The following CTSO variants were observed in gnomAD, a reference collection of about 807,000 sequenced individuals.
CTSO encodes the protein cathepsin O.
Under a neutral mutation model 42.4 loss-of-function variants are expected in CTSO, and 40 were observed. The observed-to-expected ratio is 0.94, with a 90% CI of 0.73 to 1.23. The LOEUF (loss-of-function observed/expected upper bound fraction) is 1.23. CTSO is among the 50% of genes most tolerant of loss of function. The pLI, the probability that CTSO is intolerant of heterozygous loss-of-function variation, is 0.00. For synonymous variants in CTSO, 156 were observed against 146.2 expected (o/e 1.07, Z -0.48); for missense variants, 441 against 396.0 (o/e 1.11, Z -0.96).
At chr4:155,938,376 T>C (rs1743368578) in intron 4 of CTSO, among the ~76,000 whole-genome samples, 1 of 152,178 alleles carries the variant, frequency 6.6e-6, no homozygotes, top group Non-Finnish European at 1.5e-5. Flanking sequence ...CAATGGATAA[T>C]GGAAGAGAAT....
chr4:155,939,849 C>T (rs1968766375), intron 3 of CTSO, among the ~76,000 whole-genome samples: 2 of 152,180 alleles, frequency 1.3e-5, no homozygotes, highest in South Asian at 4.1e-4. Context: ...AAAGACCATT[C>T]AGTTCACTGA....
At chr4:155,945,758 A>T (rs1462107180) in intron 1 of CTSO, among the ~76,000 whole-genome samples, 2 of 152,224 alleles carry the variant, frequency 1.3e-5, no homozygotes, top group Non-Finnish European at 2.9e-5. Context: ...ATCCTTAACA[A>T]AATAGCAAAT....
intron 7 of CTSO, 151 bp from the exon 8 acceptor site, chr4:155,926,221 T>C: frequency 1.7e-6 from 1 of 593,532 alleles, no homozygotes; most frequent in Non-Finnish European, 2.9e-6. Flanking sequence ...AAACATGGTA[T>C]CATCAAAAGC....
chr4:155,936,181 A>G (rs1228046976), intron 5 of CTSO, among the ~76,000 whole-genome samples: 3 of 152,174 alleles, frequency 2.0e-5, no homozygotes, highest in Non-Finnish European at 4.4e-5. Context: ...CACGGTACTC[A>G]GTGACCCTGC....
At chr4:155,951,069 T>A (rs1743665107) in intron 1 of CTSO, among the ~76,000 whole-genome samples, 1 of 152,182 alleles carries the variant, frequency 6.6e-6, no homozygotes, top group South Asian at 2.1e-4. Flanking sequence ...GCTATGGCCA[T>A]CTATTTACAC....
At chr4:155,946,374 T>C (rs1382077783) in intron 1 of CTSO, among the ~76,000 whole-genome samples, 1 of 152,222 alleles carries the variant, frequency 6.6e-6, no homozygotes, top group Non-Finnish European at 1.5e-5. Context: ...ATGAAATAAA[T>C]GAATGTATTA....
intron 1 of CTSO, among the ~76,000 whole-genome samples, chr4:155,947,041 T>A (rs1241565119): frequency 6.6e-6 from 1 of 152,064 alleles, no homozygotes; most frequent in Admixed American, 6.5e-5. Flanking sequence ...GTATTTTTTT[T>A]AGTAGAGATG....
Position 155,942,444 on chromosome 4 carries a change from C to T in CTSO, c.257G>A (p.Arg86Lys), listed in dbSNP as rs754379370. The T allele has an allele frequency of 6.5e-7, 1 of 1,533,166 alleles. No homozygotes were observed. Among genetic ancestry groups the T allele is most frequent in the South Asian group, 1.3e-5 (1 of 75,686 alleles). The allele number at this position is 1,533,166 out of a possible 1,614,324, so 95.0% of individuals were successfully genotyped here. ...TCTGGGAAACTTGGAAGGTTTGCTTCTTAAATAAATGGCTGAGTAGAAACA... is the reference window on the plus strand; with the variant it reads ...TCTGGGAAACTTGGAAGGTTTGCTTTTTAAATAAATGGCTGAGTAGAAACA... ...FPEEFKAIYL[R>K]SKPSKFPRYS... is the part of the protein sequence containing the mutation. The change falls in exon 3 of 8, where the codon AGA becomes AAA. Residue 86 changes from arginine to lysine, a missense_variant. Coordinates refer to ENST00000433477, the MANE Select transcript of CTSO (RefSeq NM_001334.3).
Position 155,929,558 on chromosome 4 carries a change from A to G in CTSO, c.822T>C (p.Thr274=), listed in dbSNP as rs1210307569. The change falls in exon 6 of 8, where the codon ACT becomes ACC. Residue 274 remains threonine (T), a synonymous_variant. Coordinates refer to ENST00000433477, the MANE Select transcript of CTSO (RefSeq NM_001334.3). ...SGEANHAVLI[T]GFDKTGSTPY... is the part of the protein sequence containing the mutation. ...AGCACTTACCTGTTTTATCAAACCC[A>G]GTTATGAGAACTGCATGATTTGCTT... 2 of 1,612,654 alleles carry G rather than the reference A, an allele frequency of 1.2e-6. No homozygotes were observed. The highest frequency in any genetic ancestry group is 2.7e-5 in the African/African-American group (2 of 74,894).
intron 1 of CTSO, among the ~76,000 whole-genome samples, chr4:155,949,247 A>T (rs2110937453): frequency 6.6e-6 from 1 of 152,318 alleles, no homozygotes; most frequent in African/African-American, 2.4e-5. Context: ...AGATCACACA[A>T]CTAGTATTTG....
intron 1 of CTSO, among the ~76,000 whole-genome samples, chr4:155,950,191 G>A (rs1743645137): frequency 6.6e-6 from 1 of 152,180 alleles, no homozygotes; most frequent in Non-Finnish European, 1.5e-5. Context: ...ACATTCTTTT[G>A]TGAACTACTT....
intron 7 of CTSO, among the ~76,000 whole-genome samples, chr4:155,927,551 C>T (rs1420689383): frequency 6.6e-5 from 10 of 152,094 alleles, no homozygotes; most frequent in South Asian, 2.1e-4. Context: ...GGGCAGATCA[C>T]GAGGTCAGGA....
chr4:155,945,195 T>G (rs1743519101), intron 1 of CTSO, among the ~76,000 whole-genome samples: 1 of 151,748 alleles, frequency 6.6e-6, no homozygotes, highest in Admixed American at 6.6e-5. Context: ...AGGCGGAGGT[T>G]GCAGTGAGCC....
intron 1 of CTSO, among the ~76,000 whole-genome samples, chr4:155,952,108 T>C (rs886238537): frequency 2.6e-5 from 4 of 152,168 alleles, no homozygotes; most frequent in Non-Finnish European, 2.9e-5. Flanking sequence ...AAGCAAATTC[T>C]TACAGGCAGC....
chr4:155,939,779 C>T (rs1743396379), intron 3 of CTSO, among the ~76,000 whole-genome samples: 1 of 152,112 alleles, frequency 6.6e-6, no homozygotes, highest in Non-Finnish European at 1.5e-5. Context: ...TTTGGCAATG[C>T]AAGATAAAAG....
rs965235414 is a variant in CTSO at position 155,936,846 on chromosome 4, T to C, written c.674+516A>G. 2.0e-5 allele frequency among the ~76,000 whole-genome samples: 3 copies of C among 152,324 alleles called. No homozygotes were observed. In the East Asian group the frequency reaches 5.8e-4, roughly 29 times the overall value. On this transcript the variant is annotated intron_variant, in intron 5 of 7. Coordinates refer to ENST00000433477, the MANE Select transcript of CTSO (RefSeq NM_001334.3). The stretch of plus-strand genomic sequence containing the variant: ...CTCTTTTCTCTAATCTGAAGTTTTG[T>C]GTTATATTTTTCAAATGGCTGATGT...
At chr4:155,932,061 T>C (rs1400231599) in intron 5 of CTSO, among the ~76,000 whole-genome samples, 1 of 152,138 alleles carries the variant, frequency 6.6e-6, no homozygotes, top group African/African-American at 2.4e-5. Flanking sequence ...CTACAGTTTT[T>C]GTTTATTTAC....
At chr4:155,949,823 A>C (rs1364290749) in intron 1 of CTSO, among the ~76,000 whole-genome samples, 1 of 152,210 alleles carries the variant, frequency 6.6e-6, no homozygotes, top group African/African-American at 2.4e-5. Flanking sequence ...TTTGTCCCTC[A>C]TTTGTCATAC....
Position 155,942,374 on chromosome 4 carries a change from C to A in CTSO, c.327G>T (p.Pro109=), listed in dbSNP as rs145993442. ...VHMSIPNVSL[P]LRFDWRDKQV... ...GCTTGTCCCTCCAGTCAAATCTTAA[C>A]GGCAAAGACACATTGGGGATGGACA... The change falls in exon 3 of 8, where the codon CCG becomes CCT. Residue 109 remains proline (P), a synonymous_variant. Transcript: ENST00000433477. 2 of 1,601,858 alleles carry A rather than the reference C, an allele frequency of 1.2e-6. No homozygotes were observed. The highest frequency in any genetic ancestry group is 1.7e-6 in the Non-Finnish European group (2 of 1,174,864).
Sources: allele counts gnomAD v4.1 joint callset (sites outside exome capture counted in the v4.1 genomes callset), GRCh38; gene constraint gnomAD v4.1.1; transcripts MANE v1.5; gene names NCBI Gene and HGNC (gene_info 2026-07-23, HGNC 2026-07-21).